The following EXT1 variants were observed in gnomAD, a reference collection of about 807,000 sequenced individuals.
EXT1 encodes exostosin glycosyltransferase 1.
EXT1 carries 20 observed loss-of-function variants against 82.5 expected under a neutral mutation model. The ratio of observed to expected loss-of-function variants is 0.24; its 90% CI spans 0.17 to 0.35. The LOEUF (loss-of-function observed/expected upper bound fraction) is 0.35. EXT1 is among the 10% of genes least tolerant of loss of function. The probability of loss-of-function intolerance (pLI) is 1.00; values close to 1 mark genes in which losing one functional copy is unlikely to be tolerated. For missense variants in EXT1, 757 were observed against 936.5 expected (o/e 0.81, Z 2.50); for synonymous variants, 348 against 350.8 (o/e 0.99, Z 0.09).
intron 1 of EXT1, among the ~76,000 whole-genome samples, chr8:118,013,948 T>G (rs1273429087): frequency 4.0e-5 from 6 of 151,814 alleles, no homozygotes; most frequent in Admixed American, 3.9e-4. Context: ...TAAGTTGAAC[T>G]GCGATTGAAT....
At chr8:118,073,650 A>AAGAGCAGAGCAGAGCAGAGC (rs1563647752) in intron 1 of EXT1, among the ~76,000 whole-genome samples, 12 of 126,618 alleles carry the variant, frequency 9.5e-5, no homozygotes, top group Non-Finnish European at 1.5e-4. Context: ...AAGAGAAGAG[A>AAGAGCAGAGCAGAGCAGAGC]AGAGAAGAGA....
intron 1 of EXT1, among the ~76,000 whole-genome samples, chr8:118,092,881 G>T (rs748750911): frequency 1.9e-4 from 29 of 152,274 alleles, no homozygotes; most frequent in South Asian, 1.9e-3. Context: ...GGACTAAAAT[G>T]ACAGGCTTCA....
chr8:117,975,998 C>T (rs1027931412), intron 1 of EXT1, among the ~76,000 whole-genome samples: 2 of 152,144 alleles, frequency 1.3e-5, no homozygotes, highest in Non-Finnish European at 2.9e-5. Flanking sequence ...ACATGAGCTA[C>T]GGAAGTGAGC....
At chr8:117,946,252 T>C (rs1416716580) in intron 1 of EXT1, among the ~76,000 whole-genome samples, 1 of 152,212 alleles carries the variant, frequency 6.6e-6, no homozygotes, top group African/African-American at 2.4e-5. Flanking sequence ...AAAGTATGAC[T>C]GGGGTCTAGA....
intron 1 of EXT1, among the ~76,000 whole-genome samples, chr8:117,895,894 A>C (rs553504751): frequency 1.4e-3 from 209 of 152,202 alleles, no homozygotes; most frequent in African/African-American, 4.9e-3. Context: ...GCAAACTCAA[A>C]CTTCCAGCAG....
At chr8:117,921,472 G>A (rs766635161) in intron 1 of EXT1, among the ~76,000 whole-genome samples, 3 of 152,196 alleles carry the variant, frequency 2.0e-5, no homozygotes, top group Non-Finnish European at 2.9e-5. Context: ...CTCTAACCTA[G>A]ATGCTTTCTT....
intron 1 of EXT1, among the ~76,000 whole-genome samples, chr8:117,883,688 G>A (rs569008577): frequency 6.6e-6 from 1 of 152,292 alleles, no homozygotes; most frequent in Admixed American, 6.5e-5. Context: ...CACTAGCGAA[G>A]CAATCCTTGT....
chr8:118,057,297 T>C (rs1002450293), intron 1 of EXT1, among the ~76,000 whole-genome samples: 22 of 152,154 alleles, frequency 1.4e-4, no homozygotes, highest in Admixed American at 1.4e-3. Context: ...CCCAACACTT[T>C]GGGAGGCCGA....
intron 1 of EXT1, among the ~76,000 whole-genome samples, chr8:118,028,607 A>G (rs1586351678): frequency 6.6e-6 from 1 of 151,938 alleles, no homozygotes; most frequent in East Asian, 1.9e-4. Flanking sequence ...CAAATGAGTC[A>G]ATTATAAAAA....
chr8:118,070,183 T>C (rs1231715477), intron 1 of EXT1, among the ~76,000 whole-genome samples: 2 of 151,958 alleles, frequency 1.3e-5, no homozygotes, highest in African/African-American at 2.4e-5. Context: ...TCACTTAACT[T>C]TTTTCTGATA....
At chr8:118,032,475 A>G (rs1445150876) in intron 1 of EXT1, among the ~76,000 whole-genome samples, 2 of 151,402 alleles carry the variant, frequency 1.3e-5, no homozygotes, top group Admixed American at 1.3e-4. Flanking sequence ...AATACCATCA[A>G]AGCTTCACAG....
rs1491146564 is a variant in EXT1, at chr8:117,980,697, G to GTTTTTTTTTTTTTT, written c.962+129387_962+129388insAAAAAAAAAAAAAA. Among the ~76,000 whole-genome samples the GTTTTTTTTTTTTTT allele has an allele frequency of 1.1e-4, 3 of 27,584 alleles. 1 individual carries two copies. The allele number at this position is 27,584 out of a possible 152,430, so 18.1% of individuals were successfully genotyped here. ...AAGGTTTGTTTGTTCGGGTGTTGGT[G>GTTTTTTTTTTTTTT]GTTTTTTTTTTTTTTTTTTTTTTTT... On this transcript the variant is annotated intron_variant, in intron 1 of 10. Coordinates refer to ENST00000378204, the MANE Select transcript of EXT1 (RefSeq NM_000127.3).
intron 1 of EXT1, among the ~76,000 whole-genome samples, chr8:117,899,663 G>T (rs1196772035): frequency 3.3e-5 from 5 of 152,172 alleles, no homozygotes; most frequent in African/African-American, 9.7e-5. Context: ...CTAGAGGGGT[G>T]GGGGAAACTG....
chr8:118,017,017 C>A (rs1045845002), intron 1 of EXT1, among the ~76,000 whole-genome samples: 2 of 152,276 alleles, frequency 1.3e-5, no homozygotes, highest in Middle Eastern at 3.4e-3. Context: ...TATAAAATTT[C>A]CAATGAACTT....
chr8:117,804,727 C>T lies in EXT1; in HGVS notation c.2050G>A (p.Gly684Arg), dbSNP rs2129693340. Reference sequence around the variant, plus strand: ...GAGGGCTCTTCTATACTTACCTGTCCCATCATTGTCTCCTTATACTGCTTC... The same window carrying T: ...GAGGGCTCTTCTATACTTACCTGTCTCATCATTGTCTCCTTATACTGCTTC... Reference protein sequence around the residue: ...QKKQYKETMMGQTSRASRWAD... With the variant: ...QKKQYKETMMRQTSRASRWAD... The change falls in exon 10 of 11, where the codon GGA becomes AGA. Residue 684 changes from glycine (G) to arginine (R), a missense_variant. Gly to Arg is a moderately radical substitution (Grantham distance 125, BLOSUM62 -2). This residue lies in a region of EXT1 where 128 missense variants were observed against 223.2 expected (regional missense o/e 0.57). Coordinates refer to ENST00000378204, the MANE Select transcript of EXT1 (RefSeq NM_000127.3). 1.2e-6 allele frequency: 2 copies of T among 1,614,032 alleles called. No homozygotes were observed. Among genetic ancestry groups the T allele is most frequent in the Non-Finnish European group, 1.7e-6 (2 of 1,179,908 alleles).
chr8:117,895,836 C>T (rs1813325241), intron 1 of EXT1, among the ~76,000 whole-genome samples: 3 of 152,024 alleles, frequency 2.0e-5, no homozygotes, highest in African/African-American at 7.2e-5. Context: ...CTCCTTTTTG[C>T]TCCCTGCCTA....
chr8:118,048,861 GA>G (rs1816671727), intron 1 of EXT1, among the ~76,000 whole-genome samples: 1 of 152,130 alleles, frequency 6.6e-6, no homozygotes, highest in African/African-American at 2.4e-5. Flanking sequence ...TCTGAACAAG[GA>G]TCCAAGGAAT....
At chr8:117,980,172 A>AG (rs1815157720) in intron 1 of EXT1, among the ~76,000 whole-genome samples, 1 of 151,082 alleles carries the variant, frequency 6.6e-6, no homozygotes, top group African/African-American at 2.5e-5. Flanking sequence ...GACTAATCAA[A>AG]GCATCTCACA....
intron 7 of EXT1, among the ~76,000 whole-genome samples, chr8:117,816,261 G>T (rs560609498): frequency 6.6e-6 from 1 of 152,072 alleles, no homozygotes; most frequent in African/African-American, 2.4e-5. Flanking sequence ...AAGTAATTTT[G>T]ACTTTAGAGC....
Sources: gnomAD v4.1 joint callset for allele counts (sites outside exome capture counted in the v4.1 genomes callset) on GRCh38, gnomAD v4.1.1 for gene constraint, gnomAD v4.1.1 regional missense constraint, MANE v1.5 for transcripts, NCBI Gene and HGNC (gene_info 2026-07-23, HGNC 2026-07-21) for gene names.